Variants in POU2F3 observed in about 807,000 individuals in gnomAD.
POU2F3 encodes POU domain, class 2, transcription factor 3.
Under a neutral mutation model 59.2 loss-of-function variants are expected in POU2F3, and 23 were observed. The observed-to-expected ratio is 0.39, with a 90% confidence interval of 0.28 to 0.55. The LOEUF (loss-of-function observed/expected upper bound fraction) is 0.55, where lower values mean the gene tolerates loss of function less well. POU2F3 is among the 20% of genes least tolerant of loss of function. The pLI, the probability that POU2F3 is intolerant of heterozygous loss-of-function variation, is 0.66. For missense variants in POU2F3, 473 were observed against 544.5 expected (o/e 0.87, Z 1.31); for synonymous variants, 190 against 214.6 (o/e 0.89, Z 1.00).
At chr11:120,317,203 T>G (rs1941810954) in intron 11 of POU2F3, 26 bp from the exon 12 acceptor site, 1 of 1,613,296 alleles carries the variant, frequency 6.2e-7, no homozygotes, top group Non-Finnish European at 8.5e-7. Context: ...TATTTCCCCC[T>G]TGTTTTTGCC....
intron 10 of POU2F3, among the ~76,000 whole-genome samples, chr11:120,313,338 T>C (rs952588015): frequency 6.6e-6 from 1 of 152,206 alleles, no homozygotes; most frequent in African/African-American, 2.4e-5. Context: ...TAGAAAGCAC[T>C]GGGGGTGCAC....
intron 6 of POU2F3, 133 bp downstream of exon 6, chr11:120,302,501 A>C: frequency 1.3e-6 from 1 of 771,558 alleles, no homozygotes; most frequent in Non-Finnish European, 2.0e-6. Flanking sequence ...GGAACTATCC[A>C]TTGGCACAGG....
chr11:120,238,015 C>T (rs1308722850), upstream of POU2F3, among the ~76,000 whole-genome samples: 3 of 152,094 alleles, frequency 2.0e-5, no homozygotes, highest in Middle Eastern at 0.01. Flanking sequence ...CCGAGGCAGG[C>T]AGATCACCTG....
At chr11:120,296,017 C>T (rs1941183127) in intron 3 of POU2F3, among the ~76,000 whole-genome samples, 1 of 152,264 alleles carries the variant, frequency 6.6e-6, no homozygotes, top group East Asian at 1.9e-4. Context: ...GGATGGGCCA[C>T]GTCTACCAAA....
At chr11:120,253,194 A>G (rs779109448) in intron 2 of POU2F3, among the ~76,000 whole-genome samples, 1 of 151,994 alleles carries the variant, frequency 6.6e-6, no homozygotes, top group Non-Finnish European at 1.5e-5. Context: ...ACAGCACCAA[A>G]TGGCTCACAC....
In POU2F3 at chr11:120,258,674, T is replaced by C. The variant is rs1002379163; in HGVS notation, c.98-10536T>C. On this transcript the variant is annotated intron_variant, in intron 2 of 12. Transcript: ENST00000543440. Reference sequence around the variant, plus strand: ...CTATTTTTCCAAGGCTGGGGGATTATGAGTCAAGGTTTTGATTGGGAACTT... The same window carrying C: ...CTATTTTTCCAAGGCTGGGGGATTACGAGTCAAGGTTTTGATTGGGAACTT... 5.3e-5 allele frequency among the ~76,000 whole-genome samples: 8 copies of C among 152,252 alleles called. No individual in the cohort carries two copies. In the East Asian group the frequency reaches 1.5e-3, roughly 29 times the overall value.
At chr11:120,287,896 G>T (rs61898314) in intron 3 of POU2F3, among the ~76,000 whole-genome samples, 1 of 151,958 alleles carries the variant, frequency 6.6e-6, no homozygotes, top group Non-Finnish European at 1.5e-5. Flanking sequence ...CCCTTTCTCA[G>T]AGCCTTAAAC....
At chr11:120,316,156 G>A (rs960179627) in intron 11 of POU2F3, among the ~76,000 whole-genome samples, 29 of 152,186 alleles carry the variant, frequency 1.9e-4, no homozygotes, top group African/African-American at 6.5e-4. Flanking sequence ...TTACAGGCGT[G>A]AGCCACCGCA....
chr11:120,240,733 A>T (rs1938625986), intron 1 of POU2F3, among the ~76,000 whole-genome samples: 1 of 152,064 alleles, frequency 6.6e-6, no homozygotes, highest in South Asian at 2.1e-4. Context: ...TGGACCTGGG[A>T]GTGCATAAGT....
Position 120,243,183 on chromosome 11 carries a change from G to A in POU2F3, c.28+2812G>A, listed in dbSNP as rs370364925. Among the ~76,000 whole-genome samples the A allele has an allele frequency of 2.4e-4, 37 of 152,302 alleles. No individual in the cohort carries two copies. In the East Asian group the frequency reaches 3.7e-3, roughly 15 times the overall value. Reference sequence around the variant, plus strand: ...CTTGGCTAGCTCAGAAGTGGGGCCGGTGGGTCCTTTGAAGTCTCCCAGTGG... The same window carrying A: ...CTTGGCTAGCTCAGAAGTGGGGCCGATGGGTCCTTTGAAGTCTCCCAGTGG... On this transcript the variant is annotated intron_variant, in intron 1 of 12. Transcript: ENST00000543440.
At position 120,285,991 on chromosome 11, in the gene POU2F3, T is replaced by C. The variant is rs903323391; in HGVS notation, c.133-12274T>C. Among the ~76,000 whole-genome samples, 4 of 152,160 alleles carry C rather than the reference T, an allele frequency of 2.6e-5. No homozygotes were observed. The highest frequency in any genetic ancestry group is 1.3e-4 in the Admixed American group (2 of 15,282). The stretch of plus-strand genomic sequence containing the variant: ...TCCGCCCCCAGGGTTCAAACAATTC[T>C]CGTGTCTCAGCCTCCCCAGTAGCTG... On this transcript the variant is annotated intron_variant, in intron 3 of 12. Coordinates refer to ENST00000543440, the MANE Select transcript of POU2F3 (RefSeq NM_014352.4). This position sits in a 1 kb window ranked among gnomAD's most constrained non-coding sequence, Gnocchi z 4.3.
At chr11:120,293,493 G>C (rs1941097442) in intron 3 of POU2F3, among the ~76,000 whole-genome samples, 1 of 152,140 alleles carries the variant, frequency 6.6e-6, no homozygotes, top group Admixed American at 6.5e-5. Context: ...TCACTGCTAG[G>C]GAGAAGTGTA....
chr11:120,284,578 T>G (rs1001107815), intron 3 of POU2F3, among the ~76,000 whole-genome samples: 2 of 152,126 alleles, frequency 1.3e-5, no homozygotes, highest in African/African-American at 2.4e-5. Context: ...CAACCCAGTT[T>G]GAGGTTTGTA....
chr11:120,305,335 T>A, intron 7 of POU2F3, 123 bp downstream of exon 7: 1 of 1,138,932 alleles, frequency 8.8e-7, no homozygotes, highest in Non-Finnish European at 1.2e-6. Flanking sequence ...ATCATGTCCC[T>A]GAGTTCTCTG....
chr11:120,273,813 C>A (rs933670973), intron 3 of POU2F3, among the ~76,000 whole-genome samples: 1 of 152,076 alleles, frequency 6.6e-6, no homozygotes, highest in African/African-American at 2.4e-5. Context: ...GTCAGGAGTT[C>A]AAGACCAGCC....
intron 2 of POU2F3, among the ~76,000 whole-genome samples, chr11:120,253,046 G>A (rs1053175039): frequency 6.6e-6 from 1 of 152,146 alleles, no homozygotes; most frequent in Non-Finnish European, 1.5e-5. Context: ...CTTAGTTTAT[G>A]AGTGGTCATT....
At chr11:120,293,566 G>A (rs188738006) in intron 3 of POU2F3, among the ~76,000 whole-genome samples, 5 of 152,300 alleles carry the variant, frequency 3.3e-5, no homozygotes, top group South Asian at 2.1e-4. Context: ...AGATGTTCAC[G>A]CTTTGAAACG....
At chr11:120,283,201 CT>C (rs1940642428) in intron 3 of POU2F3, among the ~76,000 whole-genome samples, 2 of 152,336 alleles carry the variant, frequency 1.3e-5, no homozygotes, top group Admixed American at 1.3e-4. Context: ...AACCAACTTC[CT>C]TTCTGAGGAT....
intron 7 of POU2F3, 86 bp from the exon 8 acceptor site, chr11:120,305,558 G>C: frequency 1.3e-6 from 2 of 1,539,110 alleles, no homozygotes. Flanking sequence ...CTGGCTGTGT[G>C]ATCGATGCTA....
Sources: allele counts gnomAD v4.1 joint callset (sites outside exome capture counted in the v4.1 genomes callset), GRCh38; gene constraint gnomAD v4.1.1; non-coding constraint Gnocchi (gnomAD v3.1); transcripts MANE v1.5; gene names NCBI Gene and HGNC (gene_info 2026-07-23, HGNC 2026-07-21).